Variants in FLRT2 observed in about 807,000 individuals in gnomAD.
FLRT2 encodes fibronectin leucine rich transmembrane protein 2.
FLRT2 carries 15 observed loss-of-function variants against 40.0 expected under a neutral mutation model. That is an observed-to-expected ratio of 0.38 (90% CI 0.25 to 0.58). The LOEUF (loss-of-function observed/expected upper bound fraction) is 0.58, where lower values mean the gene tolerates loss of function less well. Ranked by LOEUF, FLRT2 falls within the 20% of genes least tolerant of loss-of-function variation. FLRT2 has a pLI of 0.71. For synonymous variants in FLRT2, 380 were observed against 336.8 expected (o/e 1.13, Z -1.41); for missense variants, 726 against 840.0 (o/e 0.86, Z 1.68).
chr14:85,612,215 TG>T (rs1892921722), intron 1 of FLRT2, among the ~76,000 whole-genome samples: 1 of 151,916 alleles, frequency 6.6e-6, no homozygotes, highest in Non-Finnish European at 1.5e-5. Context: ...TTTTTGCCTT[TG>T]GGGTAGAGTT....
chr14:85,614,071 A>G (rs1893014934), intron 1 of FLRT2, among the ~76,000 whole-genome samples: 2 of 152,140 alleles, frequency 1.3e-5, no homozygotes, highest in Admixed American at 1.3e-4. Context: ...ATGTTAGGCA[A>G]TGTTCTAAGT....
intron 1 of FLRT2, among the ~76,000 whole-genome samples, chr14:85,559,589 TATATA>T (rs543894639): frequency 6.6e-6 from 1 of 152,208 alleles, no homozygotes; most frequent in Non-Finnish European, 1.5e-5. Context: ...TGTATATCTA[TATATA>T]ATATATCTAC....
At chr14:85,555,537 AT>A in intron 1 of FLRT2, among the ~76,000 whole-genome samples, 1 of 152,220 alleles carries the variant, frequency 6.6e-6, no homozygotes, top group Non-Finnish European at 1.5e-5. Flanking sequence ...TGAGAACAGT[AT>A]GGGGGAAACC....
Position 85,622,116 on chromosome 14 carries a change from A to G in FLRT2, c.602A>G (p.Gln201Arg), listed in dbSNP as rs1045063803. 2 of 1,614,050 alleles carry G rather than the reference A, an allele frequency of 1.2e-6. No homozygotes were observed. The highest frequency in any genetic ancestry group is 1.7e-6 in the Non-Finnish European group (2 of 1,180,032). ...GCTGTCATATCCGACATGGCCTTCCAGAATCTCACGAGCTTGGAGCGTCTT... is the reference window on the plus strand; with the variant it reads ...GCTGTCATATCCGACATGGCCTTCCGGAATCTCACGAGCTTGGAGCGTCTT... ...RIAVISDMAF[Q>R]NLTSLERLIV... Residue 201 changes from glutamine (Q) to arginine (R), a missense_variant, in exon 2 of 2, where the codon CAG becomes CGG. Around this residue, in one of 3 missense-constraint regions of FLRT2, gnomAD observed 611 missense variants for 690.0 expected, o/e 0.89. Coordinates refer to ENST00000330753, the MANE Select transcript of FLRT2 (RefSeq NM_013231.6).
At chr14:85,580,767 G>T (rs1279073087) in intron 1 of FLRT2, among the ~76,000 whole-genome samples, 3 of 151,948 alleles carry the variant, frequency 2.0e-5, no homozygotes, top group Non-Finnish European at 4.4e-5. Context: ...TGTGTTTCTA[G>T]CGGATTGAGA....
At chr14:85,593,490 G>A (rs1891995853) in intron 1 of FLRT2, among the ~76,000 whole-genome samples, 1 of 120,512 alleles carries the variant, frequency 8.3e-6, no homozygotes, top group African/African-American at 3.2e-5. Context: ...TTGAAAATGT[G>A]TTGAGCCCAA....
At position 85,621,959 on chromosome 14, in the gene FLRT2, G is replaced by C; in HGVS notation, c.445G>C (p.Gly149Arg). 6.2e-7 allele frequency: 1 copy of C among 1,601,168 alleles called. No individual in the cohort carries two copies. Among genetic ancestry groups the C allele is most frequent in the Non-Finnish European group, 8.5e-7 (1 of 1,173,626 alleles). Residue 149 changes from glycine to arginine, a missense_variant, in exon 2 of 2, where the codon GGG (glycine) becomes CGG (arginine). Physicochemically the swap from Gly to Arg is moderately radical, Grantham distance 125 (BLOSUM62 -2). This residue lies in a region of FLRT2 where 611 missense variants were observed against 690.0 expected (regional missense o/e 0.89). Transcript: ENST00000330753. ...HLDDNSISTV[G>R]VEDGAFREAI... ...GGATGACAACTCCATATCCACAGTGGGGGTGGAAGACGGGGCCTTCCGGGA... is the reference window on the plus strand; with the variant it reads ...GGATGACAACTCCATATCCACAGTGCGGGTGGAAGACGGGGCCTTCCGGGA...
At position 85,622,691 on chromosome 14, in the gene FLRT2, A is replaced by G; in HGVS notation, c.1177A>G (p.Arg393Gly). 2 of 1,614,042 alleles carry G rather than the reference A, an allele frequency of 1.2e-6. No homozygotes were observed. The highest frequency in any genetic ancestry group is 1.7e-6 in the Non-Finnish European group (2 of 1,180,012). Reference protein sequence around the residue: ...PPTLSIPNPSRSYTPPTPTTS... With the variant: ...PPTLSIPNPSGSYTPPTPTTS... ...CACCCTCTCTATTCCAAACCCTAGC[A>G]GAAGCTACACGCCTCCAACTCCTAC... Residue 393 changes from arginine to glycine, a missense_variant, in exon 2 of 2, where the codon AGA becomes GGA. By Grantham distance (125) the Arg-to-Gly change is moderately radical. This residue lies in a region of FLRT2 where 611 missense variants were observed against 690.0 expected (regional missense o/e 0.89). Transcript: ENST00000330753.
rs141664304 is a variant in FLRT2 at position 85,638,937 on chromosome 14, A to G, written c.*15440A>G. On this transcript the variant is annotated 3_prime_UTR_variant, in exon 2 of 2. Transcript: ENST00000330753. ...GCAAAAAAGCAAACAAAAGTTAGCT[A>G]ATAATCAATTCTTTGAACGAAGCCC... The G allele has an allele frequency of 6.6e-6, 1 of 152,386 alleles. No individual in the cohort carries two copies. The highest frequency in any genetic ancestry group is 2.4e-5 in the African/African-American group (1 of 41,596). 9.4% of individuals were successfully genotyped at this position (152,386 alleles called of 1,614,324 possible).
chr14:85,585,803 G>T (rs1458973317), intron 1 of FLRT2, among the ~76,000 whole-genome samples: 2 of 152,092 alleles, frequency 1.3e-5, no homozygotes, highest in Non-Finnish European at 2.9e-5. Flanking sequence ...CACCTGCCAT[G>T]AGGTCTGTCT....
chr14:85,600,177 C>T (rs994085049), intron 1 of FLRT2, among the ~76,000 whole-genome samples: 1 of 152,188 alleles, frequency 6.6e-6, no homozygotes. Context: ...TAGGAGGCAG[C>T]ATAGGCCTCT....
chr14:85,651,656 G>T lies in FLRT2; in HGVS notation c.*28159G>T, dbSNP rs1272665681. The T allele has an allele frequency of 6.6e-6, 1 of 151,904 alleles. No individual in the cohort carries two copies. Among genetic ancestry groups the T allele is most frequent in the Non-Finnish European group, 1.5e-5 (1 of 67,930 alleles). The allele number at this position is 151,904 out of a possible 1,614,324, so 9.4% of individuals were successfully genotyped here. The stretch of plus-strand genomic sequence containing the variant: ...ACTCTATTTTGATTGTTTTTAATCT[G>T]ATCATACAGACTTTTATTTTGGCTG... On this transcript the variant is annotated 3_prime_UTR_variant, in exon 2 of 2. Transcript: ENST00000330753.
rs1443981390 is a variant in FLRT2, at chr14:85,641,915, A to G, written c.*18418A>G. 1 of 152,168 alleles carries G rather than the reference A, an allele frequency of 6.6e-6. No homozygotes were observed. Among genetic ancestry groups the G allele is most frequent in the East Asian group, 1.9e-4 (1 of 5,188 alleles). The allele number at this position is 152,168 out of a possible 1,614,324, so 9.4% of individuals were successfully genotyped here. On this transcript the variant is annotated 3_prime_UTR_variant, in exon 2 of 2. Coordinates refer to ENST00000330753, the MANE Select transcript of FLRT2 (RefSeq NM_013231.6). ...TGAGATCACCTGGAATGAAGAGCCT[A>G]TTAAAGCCAAGGCTTTGGTGACCAA...
chr14:85,537,864 T>C (rs11847175), intron 1 of FLRT2, among the ~76,000 whole-genome samples: 35,017 of 150,106 alleles, frequency 0.23, 4,302 homozygotes, highest in South Asian at 0.26. Flanking sequence ...TTTTCTTCCT[T>C]AGCGAATTTC....
intron 1 of FLRT2, among the ~76,000 whole-genome samples, chr14:85,595,070 G>A (rs1033830992): frequency 1.3e-5 from 2 of 152,088 alleles, no homozygotes; most frequent in African/African-American, 4.8e-5. Flanking sequence ...AGGAGGGGTT[G>A]GTCTTGCTAT....
At position 85,622,804 on chromosome 14, in the gene FLRT2, T is replaced by C; in HGVS notation, c.1290T>C (p.His430=). 1.9e-6 allele frequency: 3 copies of C among 1,614,180 alleles called. No individual in the cohort carries two copies. Among genetic ancestry groups the C allele is most frequent in the Non-Finnish European group, 2.5e-6 (3 of 1,180,030 alleles). ...PISERIQLSI[H]FVNDTSIQVS... ...CTGAACGGATCCAGCTCTCTATCCA[T>C]TTTGTGAATGATACTTCCATTCAAG... Residue 430 remains histidine (H), a synonymous_variant, in exon 2 of 2, where the codon CAT becomes CAC. Transcript: ENST00000330753.
chr14:85,549,744 A>G (rs1203346032), intron 1 of FLRT2, among the ~76,000 whole-genome samples: 1 of 151,834 alleles, frequency 6.6e-6, no homozygotes, highest in African/African-American at 2.4e-5. Context: ...ACTAGCATGC[A>G]TTAAAATCCC....
intron 1 of FLRT2, among the ~76,000 whole-genome samples, chr14:85,565,571 T>G (rs1890581495): frequency 6.6e-6 from 1 of 152,216 alleles, no homozygotes; most frequent in African/African-American, 2.4e-5. Flanking sequence ...TATTTAAATT[T>G]TTGAATGATT....
chr14:85,534,130 G>A (rs959048973), intron 1 of FLRT2, among the ~76,000 whole-genome samples: 3 of 152,314 alleles, frequency 2.0e-5, no homozygotes, highest in East Asian at 3.9e-4. Context: ...GATGAGCACC[G>A]AGCGCTGGCA....
Sources: allele counts gnomAD v4.1 joint callset (sites outside exome capture counted in the v4.1 genomes callset), GRCh38; gene constraint gnomAD v4.1.1; regional missense constraint gnomAD v4.1.1; transcripts MANE v1.5; gene names NCBI Gene and HGNC (gene_info 2026-07-23, HGNC 2026-07-21).